CTNNA3: variants seen among roughly 807,000 people sequenced by gnomAD.
The protein encoded by CTNNA3 is catenin alpha 3.
In CTNNA3, 76 loss-of-function variants were observed where a neutral mutation model predicts 95.7. The observed-to-expected ratio is 0.79, with a 90% CI of 0.66 to 0.96. The LOEUF (loss-of-function observed/expected upper bound fraction) is 0.96, where lower values mean the gene tolerates loss of function less well. Among genes scored for constraint, CTNNA3 ranks in the 40% least tolerant of loss-of-function variants. The pLI, the probability that CTNNA3 is intolerant of heterozygous loss-of-function variation, is 0.00. For missense variants in CTNNA3, 1,191 were observed against 1,089.8 expected (o/e 1.09, Z -1.31); for synonymous variants, 431 against 374.4 (o/e 1.15, Z -1.74).
At chr10:66,980,512 T>G (rs1850360675) in intron 7 of CTNNA3, among the ~76,000 whole-genome samples, 1 of 127,158 alleles carries the variant, frequency 7.9e-6, no homozygotes, top group African/African-American at 3.1e-5. Flanking sequence ...CTTCCTTCTG[T>G]TTCCCAAGCA....
intron 7 of CTNNA3, among the ~76,000 whole-genome samples, chr10:66,782,693 G>A (rs1029421172): frequency 1.1e-4 from 17 of 152,164 alleles, no homozygotes; most frequent in African/African-American, 4.1e-4. Context: ...ATGAATAAAT[G>A]AAGAATTGTT....
intron 5 of CTNNA3, among the ~76,000 whole-genome samples, chr10:67,256,775 A>C (rs1866368509): frequency 6.6e-6 from 1 of 152,200 alleles, no homozygotes; most frequent in Non-Finnish European, 1.5e-5. Context: ...ATTTAAGATC[A>C]AAAAGGGAGG....
chr10:67,528,794 A>T (rs1460281584), intron 4 of CTNNA3, among the ~76,000 whole-genome samples: 1 of 152,232 alleles, frequency 6.6e-6, no homozygotes, highest in African/African-American at 2.4e-5. Context: ...AAAAATAACC[A>T]TTTGCTGAGG....
chr10:66,391,540 A>C (rs1354830281), intron 11 of CTNNA3, among the ~76,000 whole-genome samples: 2 of 152,072 alleles, frequency 1.3e-5, no homozygotes, highest in African/African-American at 2.4e-5. Context: ...ACTTGCTATT[A>C]GTGTCGATCA....
Position 66,538,370 on chromosome 10 carries a change from G to A in CTNNA3, c.1375-17597C>T, listed in dbSNP as rs577956932. ...TCTTGGACTCAGCAAAGGCAGACTT[G>A]CTTTTTCTGGGGAAGATATATTTCC... On this transcript the variant is annotated intron_variant, in intron 10 of 17. Coordinates refer to ENST00000433211, the MANE Select transcript of CTNNA3 (RefSeq NM_013266.4). 7.9e-5 allele frequency among the ~76,000 whole-genome samples: 12 copies of A among 152,274 alleles called. No homozygotes were observed. The East Asian group carries it at 2.3e-3, about 29-fold the overall frequency.
chr10:66,497,136 G>T (rs1564491553), intron 11 of CTNNA3, among the ~76,000 whole-genome samples: 2 of 152,132 alleles, frequency 1.3e-5, no homozygotes, highest in East Asian at 3.9e-4. Flanking sequence ...GTTACAGGGG[G>T]TTACGATGTC....
intron 7 of CTNNA3, chr10:66,928,597 C>A: frequency 2.9e-6 from 2 of 696,988 alleles, no homozygotes; most frequent in Non-Finnish European, 4.7e-6. Context: ...CTTCCTTGTC[C>A]GTTTTAGTGC....
At chr10:66,131,687 G>T (rs1241951319) in intron 13 of CTNNA3, among the ~76,000 whole-genome samples, 1 of 152,160 alleles carries the variant, frequency 6.6e-6, no homozygotes, top group African/African-American at 2.4e-5. Flanking sequence ...GCATGATACT[G>T]GTACAAAAAC....
chr10:67,033,903 C>T (rs1853884388), intron 7 of CTNNA3, among the ~76,000 whole-genome samples: 1 of 152,104 alleles, frequency 6.6e-6, no homozygotes, highest in Admixed American at 6.5e-5. Flanking sequence ...TCCCTAATAG[C>T]TGGGATTACA....
chr10:67,638,711 A>C (rs1227084596), intron 2 of CTNNA3, among the ~76,000 whole-genome samples: 1 of 152,232 alleles, frequency 6.6e-6, no homozygotes, highest in Non-Finnish European at 1.5e-5. Flanking sequence ...AAACTCACTC[A>C]AAACCACTCA....
intron 2 of CTNNA3, among the ~76,000 whole-genome samples, chr10:67,637,754 C>T (rs998875797): frequency 6.6e-6 from 1 of 152,106 alleles, no homozygotes; most frequent in Non-Finnish European, 1.5e-5. Context: ...ATTTCATATC[C>T]AGCCAAACTA....
chr10:67,328,965 T>C (rs1841669565), intron 5 of CTNNA3, among the ~76,000 whole-genome samples: 1 of 152,222 alleles, frequency 6.6e-6, no homozygotes, highest in East Asian at 1.9e-4. Context: ...ATATTAAATA[T>C]CAGAATTCTG....
intron 10 of CTNNA3, among the ~76,000 whole-genome samples, chr10:66,551,040 A>ACT (rs5785761): frequency 0.92 from 140,060 of 151,978 alleles, 64,728 homozygotes; most frequent in East Asian, 0.98. Flanking sequence ...GAGAAAAATA[A>ACT]CTGTTTTCTG....
intron 7 of CTNNA3, among the ~76,000 whole-genome samples, chr10:66,831,482 T>G (rs1842718571): frequency 6.6e-6 from 1 of 152,198 alleles, no homozygotes; most frequent in Non-Finnish European, 1.5e-5. Flanking sequence ...CACCCTTACC[T>G]CTCAGGTTTG....
intron 5 of CTNNA3, among the ~76,000 whole-genome samples, chr10:67,328,352 G>A (rs1374708471): frequency 2.0e-5 from 3 of 152,164 alleles, no homozygotes; most frequent in African/African-American, 7.2e-5. Context: ...TCTGGGAAAG[G>A]ACAGCAGACC....
intron 1 of CTNNA3, among the ~76,000 whole-genome samples, chr10:67,690,140 T>G (rs942654455): frequency 1.3e-5 from 2 of 152,150 alleles, no homozygotes; most frequent in Admixed American, 1.3e-4. Flanking sequence ...GTTCGTGGTC[T>G]TGCTGACTTC....
In CTNNA3 at chr10:66,134,437, A is replaced by G. The variant is rs190428593; in HGVS notation, c.1885-31188T>C. 3.3e-3 allele frequency among the ~76,000 whole-genome samples: 503 copies of G among 152,272 alleles called. 8 individuals carry two copies. Among genetic ancestry groups the G allele is most frequent in the African/African-American group, 0.012 (480 of 41,558 alleles). The stretch of plus-strand genomic sequence containing the variant: ...GTAGATATTATAGAAAATATTAAAA[A>G]CAAATTACATGGTTTACTATGTAGT... On this transcript the variant is annotated intron_variant, in intron 13 of 17. Coordinates refer to ENST00000433211, the MANE Select transcript of CTNNA3 (RefSeq NM_013266.4).
At chr10:66,928,411 G>C (rs1316778879) in intron 7 of CTNNA3, 6 of 1,613,896 alleles carry the variant, frequency 3.7e-6, no homozygotes, top group Non-Finnish European at 4.2e-6. Context: ...GAATGGGACG[G>C]GACCCTGCAC....
chr10:67,348,897 A>G (rs1842533617), intron 5 of CTNNA3, among the ~76,000 whole-genome samples: 3 of 152,104 alleles, frequency 2.0e-5, no homozygotes, highest in African/African-American at 7.2e-5. Flanking sequence ...TAATAACCCA[A>G]TTTTTTAAAT....
Sources: allele counts gnomAD v4.1 joint callset (sites outside exome capture counted in the v4.1 genomes callset), GRCh38; gene constraint gnomAD v4.1.1; transcripts MANE v1.5; gene names NCBI Gene and HGNC (gene_info 2026-07-23, HGNC 2026-07-21).